The following LRRC3B variants were observed in gnomAD, a reference collection of about 807,000 sequenced individuals.
The protein encoded by LRRC3B is leucine-rich repeat-containing protein 3B.
LRRC3B carries 2 observed loss-of-function variants against 12.8 expected under a neutral mutation model. That is an observed-to-expected ratio of 0.16 (90% confidence interval 0.06 to 0.49). LRRC3B has a LOEUF of 0.49. Among genes scored for constraint, LRRC3B ranks in the 20% least tolerant of loss-of-function variants. The pLI is 0.96. For synonymous variants in LRRC3B, 132 were observed against 122.0 expected (o/e 1.08, Z -0.54); for missense variants, 189 against 319.4 (o/e 0.59, Z 3.11).
At position 26,655,223 on chromosome 3, in the gene LRRC3B, T is replaced by G. The variant is rs550721603; in HGVS notation, c.-161+31986T>G. Among the ~76,000 whole-genome samples the G allele has an allele frequency of 7.2e-5, 11 of 152,322 alleles. No homozygotes were observed. The East Asian group carries it at 1.9e-3, about 27-fold the overall frequency. On this transcript the variant is annotated intron_variant, in intron 1 of 1. Coordinates refer to ENST00000396641, the Ensembl canonical transcript of LRRC3B. ...CTGCAGTGAATTAAACAGTGAAGAA[T>G]TTCTTTATCTAGTAAAGAAATTAGT...
chr3:26,623,461 A>G (rs1698555054), intron 1 of LRRC3B, among the ~76,000 whole-genome samples: 1 of 152,134 alleles, frequency 6.6e-6, no homozygotes, highest in African/African-American at 2.4e-5. Flanking sequence ...GCTGCTATAC[A>G]ATAGTCTGCA....
intron 1 of LRRC3B, among the ~76,000 whole-genome samples, chr3:26,676,387 A>C (rs1699861941): frequency 6.6e-6 from 1 of 151,656 alleles, no homozygotes; most frequent in Admixed American, 6.6e-5. Context: ...TTCCAGCTTC[A>C]TCCGTGTCCC....
At chr3:26,662,394 GATTAAA>G (rs960566968) in intron 1 of LRRC3B, among the ~76,000 whole-genome samples, 5 of 152,118 alleles carry the variant, frequency 3.3e-5, no homozygotes, top group African/African-American at 1.2e-4. Context: ...TATTACTCCG[GATTAAA>G]ATTTTCTGCC....
chr3:26,709,404 T>A (rs1052292878), intron 1 of LRRC3B, 109 bp from the exon 2 acceptor site: 3 of 466,236 alleles, frequency 6.4e-6, no homozygotes, highest in Non-Finnish European at 1.1e-5. Context: ...ATTACCTGCA[T>A]AACTAACCCC....
At chr3:26,675,288 A>C (rs1699834211) in intron 1 of LRRC3B, among the ~76,000 whole-genome samples, 1 of 152,210 alleles carries the variant, frequency 6.6e-6, no homozygotes, top group Non-Finnish European at 1.5e-5. Flanking sequence ...TTGATACCCC[A>C]ATCAGATGAA....
intron 1 of LRRC3B, among the ~76,000 whole-genome samples, chr3:26,660,119 C>T (rs2125422184): frequency 6.6e-6 from 1 of 152,242 alleles, no homozygotes; most frequent in African/African-American, 2.4e-5. Flanking sequence ...TTACTCCATC[C>T]CTCCTCAGTC....
At chr3:26,683,668 A>G (rs1700016637) in intron 1 of LRRC3B, among the ~76,000 whole-genome samples, 1 of 152,182 alleles carries the variant, frequency 6.6e-6, no homozygotes, top group African/African-American at 2.4e-5. Context: ...GAAACTAGAA[A>G]TACTACTTTC....
chr3:26,635,029 A>T (rs1698836311), intron 1 of LRRC3B, among the ~76,000 whole-genome samples: 1 of 152,246 alleles, frequency 6.6e-6, no homozygotes, highest in Non-Finnish European at 1.5e-5. Flanking sequence ...ACCTTGAAAT[A>T]AGGATACCTA....
intron 1 of LRRC3B, among the ~76,000 whole-genome samples, chr3:26,681,807 C>T (rs1418711070): frequency 6.6e-6 from 1 of 152,112 alleles, no homozygotes; most frequent in Non-Finnish European, 1.5e-5. Flanking sequence ...GCCAAAGCCT[C>T]TTGAATTGAA....
intron 1 of LRRC3B, chr3:26,623,621 G>C (rs1351839517): frequency 6.6e-6 from 1 of 152,582 alleles, no homozygotes; most frequent in Non-Finnish European, 1.5e-5. Flanking sequence ...ACTCCCCGCA[G>C]CTCTGGCTCC....
At chr3:26,657,244 T>A (rs569102944) in intron 1 of LRRC3B, among the ~76,000 whole-genome samples, 86 of 152,320 alleles carry the variant, frequency 5.6e-4, no homozygotes, top group African/African-American at 2.0e-3. Context: ...AGAACTGAAA[T>A]AGATGCTCAC....
At chr3:26,680,041 T>C (rs893338463) in intron 1 of LRRC3B, among the ~76,000 whole-genome samples, 1 of 152,336 alleles carries the variant, frequency 6.6e-6, no homozygotes, top group Middle Eastern at 3.4e-3. Context: ...CAAACTTTCA[T>C]GTGCAACAAA....
chr3:26,691,255 G>A (rs958112468), intron 1 of LRRC3B, among the ~76,000 whole-genome samples: 24 of 151,402 alleles, frequency 1.6e-4, no homozygotes, highest in African/African-American at 5.3e-4. Flanking sequence ...ATCTAAATCT[G>A]AAATCAAGGA....
At chr3:26,637,142 G>A (rs182813156) in intron 1 of LRRC3B, among the ~76,000 whole-genome samples, 502 of 151,276 alleles carry the variant, frequency 3.3e-3, no homozygotes, top group Non-Finnish European at 5.8e-3. Flanking sequence ...GATTACAGGC[G>A]CCCACCACCA....
intron 1 of LRRC3B, among the ~76,000 whole-genome samples, chr3:26,675,219 A>G (rs1699832679): frequency 6.6e-6 from 1 of 152,204 alleles, no homozygotes; most frequent in Non-Finnish European, 1.5e-5. Context: ...AAATGGATAC[A>G]TTCAGGTACA....
chr3:26,705,981 A>ATCTAAGTCT lies in LRRC3B; in HGVS notation c.-160-3530_-160-3522dup, dbSNP rs551241000. On this transcript the variant is annotated intron_variant, in intron 1 of 1. Coordinates refer to ENST00000396641, the Ensembl canonical transcript of LRRC3B. ...TGGCTTTGCTGTCTACATCCTGGAC[A>ATCTAAGTCT]TCTAAGTCTTTTTGCACTGCTAAAG... Among the ~76,000 whole-genome samples, 249 of 152,246 alleles carry ATCTAAGTCT rather than the reference A, an allele frequency of 1.6e-3. 2 individuals carry two copies. Among genetic ancestry groups the ATCTAAGTCT allele is most frequent in the African/African-American group, 5.5e-3 (230 of 41,550 alleles).
At chr3:26,686,460 A>G (rs1700091427) in intron 1 of LRRC3B, among the ~76,000 whole-genome samples, 1 of 152,154 alleles carries the variant, frequency 6.6e-6, no homozygotes, top group Admixed American at 6.5e-5. Flanking sequence ...TTGAAGCCCA[A>G]TCTTTTTATC....
intron 1 of LRRC3B, among the ~76,000 whole-genome samples, chr3:26,708,862 A>C (rs1368807732): frequency 2.0e-5 from 3 of 152,204 alleles, no homozygotes; most frequent in Non-Finnish European, 4.4e-5. Context: ...AAGAGAGAGA[A>C]GATCCTCTGG....
intron 1 of LRRC3B, among the ~76,000 whole-genome samples, chr3:26,708,043 C>A (rs1203225296): frequency 6.6e-6 from 1 of 152,202 alleles, no homozygotes; most frequent in Non-Finnish European, 1.5e-5. Flanking sequence ...GTTTTCAGCT[C>A]ACATTAATCT....
Sources: gnomAD v4.1 joint callset for allele counts (sites outside exome capture counted in the v4.1 genomes callset) on GRCh38, gnomAD v4.1.1 for gene constraint, MANE v1.5 for transcripts, NCBI Gene and HGNC (gene_info 2026-07-23, HGNC 2026-07-21) for gene names.